SLC35F6: variants seen among roughly 807,000 people sequenced by gnomAD.
SLC35F6 encodes the protein solute carrier family 35 member F6, also known as ANT2-binding protein.
In SLC35F6, 26 loss-of-function variants were observed where a neutral mutation model predicts 29.4. The observed-to-expected ratio is 0.89, with a 90% confidence interval of 0.65 to 1.23. The LOEUF (loss-of-function observed/expected upper bound fraction) is 1.23, where lower values mean the gene tolerates loss of function less well. SLC35F6 is among the 50% of genes most tolerant of loss of function. SLC35F6 has a pLI of 0.00. For synonymous variants in SLC35F6, 174 were observed against 206.6 expected, an observed-to-expected ratio of 0.84 and a Z score of 1.35; for missense variants, 428 against 487.8, an observed-to-expected ratio of 0.88 and a Z score of 1.15.
chr2:26,768,000 C>T (rs979194578), intron 1 of SLC35F6, among the ~76,000 whole-genome samples: 1 of 152,222 alleles, frequency 6.6e-6, no homozygotes, highest in Non-Finnish European at 1.5e-5. Flanking sequence ...GGCCAGGGAC[C>T]CTGCCAAGAA....
chr2:26,766,346 C>G (rs1664096280), intron 1 of SLC35F6, among the ~76,000 whole-genome samples: 1 of 152,212 alleles, frequency 6.6e-6, no homozygotes, highest in Non-Finnish European at 1.5e-5. Context: ...GCCTGTCATC[C>G]CAGCACTTTG....
At chr2:26,771,481 G>A (rs1252126543) in intron 1 of SLC35F6, among the ~76,000 whole-genome samples, 2 of 152,166 alleles carry the variant, frequency 1.3e-5, no homozygotes, top group Non-Finnish European at 2.9e-5. Flanking sequence ...CTGTGCCCTT[G>A]GTAAGGCTTG....
rs1664343997 is a variant in SLC35F6 at position 26,778,388 on chromosome 2, C to T, written c.993C>T (p.Ala331=). The change falls in exon 6 of 6, where the codon GCC becomes GCT. Residue 331 remains alanine, a synonymous_variant. Transcript: ENST00000344420. ...LGFLILLIGT[A]LYNGLHRPLL... ...TCCTCATACTCCTTATAGGCACTGC[C>T]CTCTACAATGGGCTACACCGTCCGC... 1.2e-6 allele frequency: 2 copies of T among 1,614,098 alleles called. No individual in the cohort carries two copies. Among genetic ancestry groups the T allele is most frequent in the Non-Finnish European group, 1.7e-6 (2 of 1,180,008 alleles).
Position 26,778,724 on chromosome 2 carries a change from A to C in SLC35F6, c.*213A>C. On this transcript the variant is annotated 3_prime_UTR_variant, in exon 6 of 6. Coordinates refer to ENST00000344420, the MANE Select transcript of SLC35F6 (RefSeq NM_017877.4). Reference sequence around the variant, plus strand: ...CAGGGTGGTGTTACCCAGCCCCCACAAGCCTGAGTGCAGTGGCAGACCTCA... The same window carrying C: ...CAGGGTGGTGTTACCCAGCCCCCACCAGCCTGAGTGCAGTGGCAGACCTCA... The C allele has an allele frequency of 3.6e-6, 2 of 560,144 alleles. No individual in the cohort carries two copies. The highest frequency in any genetic ancestry group is 6.3e-6 in the Non-Finnish European group (2 of 317,830). The allele number at this position is 560,144 out of a possible 1,614,324, so 34.7% of individuals were successfully genotyped here.
At chr2:26,765,275 G>A (rs1389787638) in intron 1 of SLC35F6, among the ~76,000 whole-genome samples, 3 of 152,210 alleles carry the variant, frequency 2.0e-5, no homozygotes, top group African/African-American at 7.2e-5. Context: ...GAAGAAAAGT[G>A]CCATTAACTC....
intron 5 of SLC35F6, among the ~76,000 whole-genome samples, chr2:26,777,186 G>A (rs1471274639): frequency 1.3e-5 from 2 of 152,204 alleles, no homozygotes; most frequent in Admixed American, 6.5e-5. Flanking sequence ...GCAACAGAAC[G>A]AGACTCCATC....
At position 26,774,238 on chromosome 2, in the gene SLC35F6, C is replaced by T. The variant is rs1440369829; in HGVS notation, c.78-13C>T. ...ATGCTGACAGGGTCTGACCTTCCCT[C>T]TCTCTCCTACAGATGGGCGGACAAT... On this transcript the variant is annotated splice_polypyrimidine_tract_variant and intron_variant, in intron 1 of 5. Transcript: ENST00000344420. The T allele has an allele frequency of 1.2e-6, 2 of 1,614,028 alleles. No homozygotes were observed. Among genetic ancestry groups the T allele is most frequent in the Middle Eastern group, 1.6e-4 (1 of 6,062 alleles).
intron 1 of SLC35F6, chr2:26,764,919 A>G: frequency 2.0e-6 from 2 of 985,420 alleles, no homozygotes; most frequent in South Asian, 4.7e-5. Flanking sequence ...GGATTTCGGA[A>G]TGTGTCTGAG....
rs1418132632 is a variant in SLC35F6 at position 26,769,203 on chromosome 2, G to A, written c.77+4777G>A. 5.9e-5 allele frequency among the ~76,000 whole-genome samples: 9 copies of A among 152,324 alleles called. No individual in the cohort carries two copies. The East Asian group carries it at 1.7e-3, about 29-fold the overall frequency. On this transcript the variant is annotated intron_variant, in intron 1 of 5. Transcript: ENST00000344420. ...TCCTCAGTCTGTTTTCGCCACCCCC[G>A]TTCACGTGGACGTGCACACCTCCCA...
intron 1 of SLC35F6, among the ~76,000 whole-genome samples, chr2:26,769,492 G>A (rs1664155401): frequency 6.6e-6 from 1 of 152,258 alleles, no homozygotes; most frequent in Non-Finnish European, 1.5e-5. Flanking sequence ...CATCAGGGAG[G>A]GGGCGCATGA....
intron 1 of SLC35F6, among the ~76,000 whole-genome samples, chr2:26,771,057 G>C (rs1029449025): frequency 6.6e-6 from 1 of 152,248 alleles, no homozygotes; most frequent in Non-Finnish European, 1.5e-5. Flanking sequence ...CATTTCCCCA[G>C]CCGGGAGCGC....
chr2:26,772,242 CG>C (rs1664210712), intron 1 of SLC35F6, among the ~76,000 whole-genome samples: 1 of 152,084 alleles, frequency 6.6e-6, no homozygotes, highest in Non-Finnish European at 1.5e-5. Context: ...CTGGGTGCTG[CG>C]GGGGAGGTAC....
rs1180665291 is a variant in SLC35F6, at chr2:26,780,497, C to G, written c.*1986C>G. 1 of 152,212 alleles carries G rather than the reference C, an allele frequency of 6.6e-6. No individual in the cohort carries two copies. Among genetic ancestry groups the G allele is most frequent in the African/African-American group, 2.4e-5 (1 of 41,460 alleles). 9.4% of individuals were successfully genotyped at this position (152,212 alleles called of 1,614,324 possible). A position where few individuals can be genotyped will look rare whatever the true frequency, so the allele number is the denominator to read the frequency against. ...GTATCCTGGGCGTTGCGTTAAGTTG[C>G]TTAACTTTCATTCTGTCTTACGATA... On this transcript the variant is annotated 3_prime_UTR_variant, in exon 6 of 6. Transcript: ENST00000344420.
intron 1 of SLC35F6, among the ~76,000 whole-genome samples, chr2:26,771,841 A>C (rs1296515424): frequency 2.0e-5 from 3 of 150,998 alleles, no homozygotes; most frequent in Non-Finnish European, 4.4e-5. Flanking sequence ...CCAGCCCATG[A>C]GGTCAGGTGT....
chr2:26,770,270 G>T (rs902992147), intron 1 of SLC35F6, among the ~76,000 whole-genome samples: 2 of 152,136 alleles, frequency 1.3e-5, no homozygotes, highest in African/African-American at 4.8e-5. Context: ...GCCGGGCATG[G>T]TGGCCCATGC....
At chr2:26,765,317 T>C (rs1664077654) in intron 1 of SLC35F6, among the ~76,000 whole-genome samples, 1 of 151,962 alleles carries the variant, frequency 6.6e-6, no homozygotes, top group Non-Finnish European at 1.5e-5. Context: ...AGTTCAGCTC[T>C]GATGTATGGG....
chr2:26,771,745 A>G (rs1479680901), intron 1 of SLC35F6, among the ~76,000 whole-genome samples: 2 of 151,736 alleles, frequency 1.3e-5, no homozygotes, highest in Non-Finnish European at 2.9e-5. Context: ...AGGCGGGAGG[A>G]TTGCTTGAGC....
chr2:26,772,214 C>T (rs76508715), intron 1 of SLC35F6, among the ~76,000 whole-genome samples: 2,987 of 152,288 alleles, frequency 0.02, 35 homozygotes, highest in Non-Finnish European at 0.032. Flanking sequence ...AACTGCGGCA[C>T]AACCAGTGGC....
rs748225135 is a variant in SLC35F6, at chr2:26,776,464, C to T, written c.628C>T (p.Arg210Trp). ...FVYKHNVHPL[R>W]AVGTEGLFGF... ...CTACAAACACAATGTGCACCCACTG[C>T]GGGCAGTTGGCACTGAGGGTGTGTG... Residue 210 changes from arginine (R) to tryptophan (W), a missense_variant, in exon 5 of 6, where the codon CGG (arginine) becomes TGG (tryptophan). Arg to Trp is a moderately radical substitution (Grantham distance 101). Transcript: ENST00000344420. 10 of 1,613,976 alleles carry T rather than the reference C, an allele frequency of 6.2e-6. No homozygotes were observed. Among genetic ancestry groups the T allele is most frequent in the East Asian group, 4.5e-5 (2 of 44,890 alleles).
Sources: gnomAD v4.1 joint callset for allele counts (sites outside exome capture counted in the v4.1 genomes callset) on GRCh38, gnomAD v4.1.1 for gene constraint, MANE v1.5 for transcripts, NCBI Gene and HGNC (gene_info 2026-07-23, HGNC 2026-07-21) for gene names.